Variants in ARL13B observed in about 807,000 individuals in gnomAD.
ARL13B encodes ADP-ribosylation factor-like protein 13B.
ARL13B carries 36 observed loss-of-function variants against 56.1 expected under a neutral mutation model. The observed-to-expected ratio is 0.64, with a 90% CI of 0.49 to 0.85. ARL13B has a LOEUF of 0.85. Ranked by LOEUF, ARL13B falls within the 40% of genes least tolerant of loss-of-function variation. The pLI is 0.00. For missense variants in ARL13B, 519 were observed against 507.1 expected (o/e 1.02, Z -0.23); for synonymous variants, 178 against 171.1 (o/e 1.04, Z -0.32).
chr3:94,006,586 C>G (rs1458941008), intron 3 of ARL13B, among the ~76,000 whole-genome samples: 3 of 152,214 alleles, frequency 2.0e-5, no homozygotes, highest in Admixed American at 6.5e-5. Context: ...TGCCTGCCCC[C>G]CAAGCTCTCC....
chr3:93,993,692 A>G (rs1329846258), intron 1 of ARL13B, among the ~76,000 whole-genome samples: 3 of 152,186 alleles, frequency 2.0e-5, no homozygotes, highest in African/African-American at 7.2e-5. Context: ...TTGATATTTG[A>G]TAGTTCTATG....
intron 5 of ARL13B, among the ~76,000 whole-genome samples, chr3:94,038,337 A>G (rs1044178386): frequency 1.3e-5 from 2 of 152,128 alleles, no homozygotes; most frequent in Admixed American, 6.5e-5. Context: ...GTAAATTGCA[A>G]ATCTCCAAAT....
intron 7 of ARL13B, among the ~76,000 whole-genome samples, chr3:94,045,867 C>T (rs1234152590): frequency 5.5e-5 from 8 of 145,894 alleles, no homozygotes; most frequent in Middle Eastern, 3.6e-3. Flanking sequence ...AGGAAAATGG[C>T]GTGAACCTGG....
At position 94,043,046 on chromosome 3, in the gene ARL13B, A is replaced by G. The variant is rs142635985; in HGVS notation, c.830A>G (p.Asn277Ser). 3 of 1,610,956 alleles carry G rather than the reference A, an allele frequency of 1.9e-6. No individual in the cohort carries two copies. Among genetic ancestry groups the G allele is most frequent in the African/African-American group, 1.3e-5 (1 of 74,752 alleles). ...NEGKLEREKKNQKMEKDSDGC... is the reference protein window; with the variant it reads ...NEGKLEREKKSQKMEKDSDGC... ...GGAAAACTTGAAAGAGAGAAAAAAA[A>G]CCAAAAAATGGAGAAAGACAGTGAT... Residue 277 changes from asparagine to serine, a missense_variant, in exon 7 of 10, where the codon AAC becomes AGC. Asn to Ser is a conservative substitution (Grantham distance 46). Coordinates refer to ENST00000394222, the MANE Select transcript of ARL13B (RefSeq NM_001174150.2).
rs146032983 is a variant in ARL13B, at chr3:94,019,870, G to A, written c.381-15461G>A. On this transcript the variant is annotated intron_variant, in intron 3 of 9. Transcript: ENST00000394222. ...TTGGCACTTGCCTTCTCTTCTATTTGAAGTGTTCTTTCCCATGTAGTATGT... is the reference window on the plus strand; with the variant it reads ...TTGGCACTTGCCTTCTCTTCTATTTAAAGTGTTCTTTCCCATGTAGTATGT... 6.4e-3 allele frequency among the ~76,000 whole-genome samples: 978 copies of A among 152,222 alleles called. 8 individuals carry two copies. The highest frequency in any genetic ancestry group is 9.9e-3 in the Admixed American group (151 of 15,294).
chr3:94,035,133 A>G (rs2076744053), intron 3 of ARL13B, among the ~76,000 whole-genome samples, 198 bp from the exon 4 acceptor site: 1 of 151,628 alleles, frequency 6.6e-6, no homozygotes, highest in African/African-American at 2.4e-5. Flanking sequence ...GCTACTCTGG[A>G]GGCTGAGGCA....
Position 94,027,939 on chromosome 3 carries a change from T to G in ARL13B, c.381-7392T>G, listed in dbSNP as rs142502579. ...ACCATTATAGCAAATTATTTCAGATTTTTAAGGTTATACGTATGTGTCAAA... is the reference window on the plus strand; with the variant it reads ...ACCATTATAGCAAATTATTTCAGATGTTTAAGGTTATACGTATGTGTCAAA... On this transcript the variant is annotated intron_variant, in intron 3 of 9. Coordinates refer to ENST00000394222, the MANE Select transcript of ARL13B (RefSeq NM_001174150.2). Among the ~76,000 whole-genome samples the G allele has an allele frequency of 3.3e-5, 5 of 152,252 alleles. No individual in the cohort carries two copies. In the East Asian group the frequency reaches 7.7e-4, roughly 23 times the overall value.
At chr3:94,013,647 T>G (rs1311551384) in intron 3 of ARL13B, among the ~76,000 whole-genome samples, 1 of 152,168 alleles carries the variant, frequency 6.6e-6, no homozygotes, top group African/African-American at 2.4e-5. Flanking sequence ...CTTCTGAGGA[T>G]AAAAGATTTG....
chr3:94,027,225 C>T (rs2076575652), intron 3 of ARL13B, among the ~76,000 whole-genome samples: 1 of 151,894 alleles, frequency 6.6e-6, no homozygotes, highest in Non-Finnish European at 1.5e-5. Context: ...CAAGTGAAAG[C>T]AGAGGATCTT....
intron 1 of ARL13B, among the ~76,000 whole-genome samples, chr3:93,982,589 A>G (rs1455088346): frequency 2.6e-5 from 4 of 152,228 alleles, no homozygotes; most frequent in African/African-American, 7.2e-5. Context: ...TTAAAAAATG[A>G]GATTACTAGA....
In ARL13B at chr3:93,993,827, G is replaced by A. The variant is rs79324379; in HGVS notation, c.60-2047G>A. Among the ~76,000 whole-genome samples the A allele has an allele frequency of 7.2e-3, 1,094 of 152,232 alleles. 11 individuals carry two copies. Among genetic ancestry groups the A allele is most frequent in the African/African-American group, 0.025 (1,044 of 41,536 alleles). On this transcript the variant is annotated intron_variant, in intron 1 of 9. Coordinates refer to ENST00000394222, the MANE Select transcript of ARL13B (RefSeq NM_001174150.2). Reference sequence around the variant, plus strand: ...GATAAAGCAGGTACATTTCCAGATGGATAGAGGTTCCTAGACCTTGCCCAC... The same window carrying A: ...GATAAAGCAGGTACATTTCCAGATGAATAGAGGTTCCTAGACCTTGCCCAC...
rs770164363 is a variant in ARL13B at position 94,050,828 on chromosome 3, C to CT, written c.1147dup (p.Trp383LeufsTer5). On this transcript the variant is annotated frameshift_variant, in exon 9 of 10. Transcript: ENST00000394222. LOFTEE classifies it high-confidence loss of function. The stretch of plus-strand genomic sequence containing the variant: ...AATGTTTTTCTTTTTCTTTAGTTGG[C>CT]TGGGGAACCCCTAAAGTCACTAGAC... 3.1e-6 allele frequency: 5 copies of CT among 1,612,102 alleles called. No homozygotes were observed. The South Asian group carries it at 4.4e-5, about 14-fold the overall frequency.
chr3:94,047,756 A>G (rs544327521), intron 7 of ARL13B: 1 of 152,106 alleles, frequency 6.6e-6, no homozygotes, highest in Non-Finnish European at 1.5e-5. Flanking sequence ...CTAAAGTACC[A>G]TTTGGTGGTT....
chr3:94,017,307 G>A (rs749532729), intron 3 of ARL13B, among the ~76,000 whole-genome samples: 1 of 152,180 alleles, frequency 6.6e-6, no homozygotes, highest in Admixed American at 6.5e-5. Flanking sequence ...AGGGCAGTGG[G>A]TGGAAATTAC....
intron 1 of ARL13B, chr3:93,988,936 C>G: frequency 3.4e-6 from 1 of 298,392 alleles, no homozygotes; most frequent in Non-Finnish European, 6.7e-6. Context: ...ACTGACCTTC[C>G]TCTTGGGCAT....
chr3:94,031,351 G>C (rs1429469065), intron 3 of ARL13B, among the ~76,000 whole-genome samples: 2 of 151,850 alleles, frequency 1.3e-5, no homozygotes, highest in African/African-American at 4.8e-5. Flanking sequence ...GCAGTAGTAA[G>C]TCAATAGCAA....
intron 1 of ARL13B, among the ~76,000 whole-genome samples, chr3:93,982,908 T>C (rs1287267133): frequency 2.0e-5 from 3 of 152,226 alleles, no homozygotes; most frequent in Non-Finnish European, 4.4e-5. Context: ...GTGAGCAAGC[T>C]AATTTTAAAA....
chr3:94,021,883 A>G (rs1448635882), intron 3 of ARL13B, among the ~76,000 whole-genome samples: 1 of 152,144 alleles, frequency 6.6e-6, no homozygotes, highest in Non-Finnish European at 1.5e-5. Context: ...CTTTTTAAAA[A>G]TGTTATTTTT....
intron 3 of ARL13B, among the ~76,000 whole-genome samples, chr3:94,009,952 GA>G (rs758152568): frequency 1.3e-5 from 2 of 152,006 alleles, no homozygotes; most frequent in Non-Finnish European, 2.9e-5. Context: ...CAAAATAACA[GA>G]AAAAAACTCT....
Sources: gnomAD v4.1 joint callset for allele counts (sites outside exome capture counted in the v4.1 genomes callset) on GRCh38, gnomAD v4.1.1 for gene constraint, MANE v1.5 for transcripts, NCBI Gene and HGNC (gene_info 2026-07-23, HGNC 2026-07-21) for gene names.